VCF2: variants seen among roughly 807,000 people sequenced by gnomAD.
VCF2 encodes protein VCF2.
At chrX:55,149,254 GTTA>G in the VCF2 span, among the ~76,000 whole-genome samples, 1 of 100,965 alleles carries the variant, frequency 9.9e-6, no homozygotes, top group African/African-American at 3.7e-5. Flanking sequence ...CTATGCCATT[GTTA>G]TTAAGTTTTA....
the VCF2 span, chrX:55,160,672 G>T: frequency 2.0e-6 from 1 of 506,305 alleles, no homozygotes; most frequent in Non-Finnish European, 3.2e-6. Context: ...AAGGTCCATA[G>T]AACCCCAGTA....
At chrX:55,152,560 TAAGA>T in the VCF2 span, among the ~76,000 whole-genome samples, 1 of 111,873 alleles carries the variant, frequency 8.9e-6, no homozygotes, top group Non-Finnish European at 1.9e-5. Context: ...CCAAAAGATT[TAAGA>T]AAGAAAGTGG....
the VCF2 span, chrX:55,145,806 C>T: frequency 3.4e-6 from 3 of 872,243 alleles, no homozygotes; most frequent in Non-Finnish European, 4.2e-6. Flanking sequence ...CTTCAATGCA[C>T]AGGAGAAGTT....
At chrX:55,150,196 G>C in the VCF2 span, among the ~76,000 whole-genome samples, 3 of 111,949 alleles carry the variant, frequency 2.7e-5, no homozygotes, top group East Asian at 5.6e-4. Flanking sequence ...TTTCAGAATT[G>C]TATGAAATTC....
chrX:55,147,406 C>T, the VCF2 span, among the ~76,000 whole-genome samples: 1 of 110,128 alleles, frequency 9.1e-6, no homozygotes, highest in African/African-American at 3.3e-5. Flanking sequence ...TCAAATGAAG[C>T]CAGATGTGAG....
At chrX:55,152,204 T>A in the VCF2 span, among the ~76,000 whole-genome samples, 41 of 112,278 alleles carry the variant, frequency 3.7e-4, no homozygotes, top group African/African-American at 1.3e-3. Flanking sequence ...CTGTGCTTTC[T>A]TAAAACCCTG....
chrX:55,156,635 C>G, the VCF2 span, among the ~76,000 whole-genome samples: 1 of 112,402 alleles, frequency 8.9e-6, no homozygotes, highest in South Asian at 3.7e-4. Flanking sequence ...GTTAACTTCT[C>G]TGTGCTGATG....
chrX:55,159,119 T>C, the VCF2 span: 1 of 1,181,796 alleles, frequency 8.5e-7, no homozygotes, highest in Admixed American at 2.3e-5. Context: ...AATCTGACCA[T>C]ACTTGCTACC....
At chrX:55,144,325 G>A in the VCF2 span, among the ~76,000 whole-genome samples, 2 of 111,219 alleles carry the variant, frequency 1.8e-5, no homozygotes, top group Admixed American at 9.6e-5. Context: ...GAAACTGGTG[G>A]CTAGGTATCC....
the VCF2 span, among the ~76,000 whole-genome samples, chrX:55,148,615 G>C: frequency 2.7e-5 from 3 of 110,860 alleles, no homozygotes; most frequent in Admixed American, 2.9e-4. Flanking sequence ...GGATAAAACA[G>C]GAAGTCCAAG....
the VCF2 span, chrX:55,143,989 T>C: frequency 5.2e-6 from 2 of 383,419 alleles, no homozygotes; most frequent in African/African-American, 5.1e-5. Flanking sequence ...TGAAAAGTCT[T>C]ACAGAGACTG....
chrX:55,144,475 T>G, the VCF2 span, among the ~76,000 whole-genome samples: 2 of 111,877 alleles, frequency 1.8e-5, no homozygotes, highest in Non-Finnish European at 3.8e-5. Context: ...GACTCATGCC[T>G]ACTCCCTAAG....
chrX:55,151,766 G>T, the VCF2 span, among the ~76,000 whole-genome samples: 1 of 110,822 alleles, frequency 9.0e-6, no homozygotes, highest in Non-Finnish European at 1.9e-5. Flanking sequence ...GTTTAGGCTG[G>T]ATTCTAAAAT....
the VCF2 span, among the ~76,000 whole-genome samples, chrX:55,151,017 T>C: frequency 1.8e-5 from 2 of 112,765 alleles, no homozygotes; most frequent in Admixed American, 1.9e-4. Context: ...CATTTTTCTT[T>C]GAGCTATTTT....
At chrX:55,147,849 CTTTAA>C in the VCF2 span, among the ~76,000 whole-genome samples, 4 of 110,075 alleles carry the variant, frequency 3.6e-5, no homozygotes, top group African/African-American at 1.3e-4. Context: ...AAAAATCTAC[CTTTAA>C]TTTGTTTCAT....
chrX:55,155,941 C>CTT, the VCF2 span, among the ~76,000 whole-genome samples: 258 of 50,482 alleles, frequency 5.1e-3, 7 homozygotes, highest in Admixed American at 0.042. Context: ...TCTTCTTCTT[C>CTT]TTTTTTTTTT....
chrX:55,158,245 CAGAA>C, the VCF2 span, among the ~76,000 whole-genome samples: 1 of 111,791 alleles, frequency 8.9e-6, no homozygotes, highest in African/African-American at 3.3e-5. Context: ...AGGATTAACT[CAGAA>C]AGACTTTATG....
the VCF2 span, among the ~76,000 whole-genome samples, chrX:55,148,467 A>C: frequency 9.1e-6 from 1 of 110,448 alleles, no homozygotes; most frequent in Non-Finnish European, 1.9e-5. Context: ...TACATACTAT[A>C]TATTTACCTC....
At chrX:55,148,999 A>C in the VCF2 span, among the ~76,000 whole-genome samples, 1 of 111,794 alleles carries the variant, frequency 8.9e-6, no homozygotes, top group Non-Finnish European at 1.9e-5. Flanking sequence ...TTTTCTTCCA[A>C]CATAACATTC....
Sources: gnomAD v4.1 joint callset for allele counts (sites outside exome capture counted in the v4.1 genomes callset) on GRCh38, gnomAD v4.1.1 for gene constraint, MANE v1.5 for transcripts, NCBI Gene and HGNC (gene_info 2026-07-23, HGNC 2026-07-21) for gene names.